The following DENND2A variants were observed in gnomAD, a reference collection of about 807,000 sequenced individuals.
The protein encoded by DENND2A is DENN domain containing 2A, also known as DENN domain-containing protein 2A.
Under a neutral mutation model 105.3 loss-of-function variants are expected in DENND2A, and 53 were observed. That is an observed-to-expected ratio of 0.50 (90% confidence interval 0.40 to 0.63). The LOEUF (loss-of-function observed/expected upper bound fraction) is 0.63, where lower values mean the gene tolerates loss of function less well. Ranked by LOEUF, DENND2A falls within the 30% of genes least tolerant of loss-of-function variation. The pLI, the probability that DENND2A is intolerant of heterozygous loss-of-function variation, is 0.00. For missense variants in DENND2A, 1,138 were observed against 1,279.6 expected, an observed-to-expected ratio of 0.89 and a Z score of 1.69; for synonymous variants, 522 against 508.4, an observed-to-expected ratio of 1.03 and a Z score of -0.36.
chr7:140,527,387 C>A lies in DENND2A; in HGVS notation c.2436G>T (p.Ser812=). 1.2e-6 allele frequency: 2 copies of A among 1,608,034 alleles called. No individual in the cohort carries two copies. Among genetic ancestry groups the A allele is most frequent in the Non-Finnish European group, 1.7e-6 (2 of 1,178,398 alleles). The change falls in exon 15 of 20, where the codon TCG becomes TCT. Residue 812 remains serine, a synonymous_variant. Coordinates refer to ENST00000496613, the MANE Select transcript of DENND2A (RefSeq NM_015689.5). This position sits in a 1 kb window ranked among gnomAD's most constrained non-coding sequence, Gnocchi z 4.9. ...LPPAMVDIVC[S]PTPFLIGLLS... is the part of the protein sequence containing the mutation. The stretch of plus-strand genomic sequence containing the variant: ...GCAGCCCGATGAGGAAGGGCGTCGG[C>A]GAGCACACGATGTCGACCATGGCGG...
intron 2 of DENND2A, among the ~76,000 whole-genome samples, chr7:140,603,102 G>C (rs1183577534): frequency 6.6e-6 from 1 of 152,078 alleles, no homozygotes; most frequent in East Asian, 1.9e-4. Flanking sequence ...GGCTAACATG[G>C]TGAAACCCCG....
chr7:140,607,344 A>C (rs1486246510), intron 1 of DENND2A, among the ~76,000 whole-genome samples: 1 of 152,196 alleles, frequency 6.6e-6, no homozygotes. Context: ...GAGAGTGCAC[A>C]TGGGTAACAA....
chr7:140,620,695 G>C (rs1800256998), intron 1 of DENND2A, among the ~76,000 whole-genome samples: 1 of 152,180 alleles, frequency 6.6e-6, no homozygotes, highest in Non-Finnish European at 1.5e-5. Context: ...TCCAGCTCAG[G>C]TGAGTTCATC....
chr7:140,623,944 A>G (rs1297568096), intron 1 of DENND2A, among the ~76,000 whole-genome samples: 1 of 152,178 alleles, frequency 6.6e-6, no homozygotes, highest in Non-Finnish European at 1.5e-5. Context: ...TACCTTCTTC[A>G]GTTCTTGTTT....
intron 4 of DENND2A, among the ~76,000 whole-genome samples, chr7:140,586,987 A>G (rs1221909042): frequency 6.6e-6 from 1 of 151,650 alleles, no homozygotes; most frequent in Non-Finnish European, 1.5e-5. Flanking sequence ...AAAACCATCA[A>G]CCTCCCTGAA....
At position 140,640,794 on chromosome 7, in the gene DENND2A, G is replaced by C. The variant is rs1801175714; in HGVS notation, c.-538C>G. ...CCCGCGGCCCCTGCCTCCTCCTGCCGTGGCTCCGCGACGATCTGCGCGACG... is the reference window on the plus strand; with the variant it reads ...CCCGCGGCCCCTGCCTCCTCCTGCCCTGGCTCCGCGACGATCTGCGCGACG... On this transcript the variant is annotated 5_prime_UTR_variant, in exon 1 of 20. Transcript: ENST00000496613. The surrounding 1 kb of genome is among the most constrained non-coding windows in gnomAD (Gnocchi z 4.9). 1 of 150,622 alleles carries C rather than the reference G, an allele frequency of 6.6e-6. No individual in the cohort carries two copies. The highest frequency in any genetic ancestry group is 6.6e-5 in the Admixed American group (1 of 15,132). 9.3% of individuals were successfully genotyped at this position (150,622 alleles called of 1,614,324 possible). A position where few individuals can be genotyped will look rare whatever the true frequency, so the allele number is the denominator to read the frequency against.
At chr7:140,546,296 T>C (rs1413103683) in intron 13 of DENND2A, among the ~76,000 whole-genome samples, 1 of 152,014 alleles carries the variant, frequency 6.6e-6, no homozygotes, top group African/African-American at 2.4e-5. Flanking sequence ...CAGGCACCTG[T>C]AGTCTCAGCT....
chr7:140,542,119 G>A (rs1028005143), intron 14 of DENND2A, among the ~76,000 whole-genome samples: 1 of 151,964 alleles, frequency 6.6e-6, no homozygotes, highest in East Asian at 1.9e-4. Flanking sequence ...TGCACCACCC[G>A]GTTGGCTGGC....
At chr7:140,617,984 T>C (rs948434715) in intron 1 of DENND2A, among the ~76,000 whole-genome samples, 16 of 152,210 alleles carry the variant, frequency 1.1e-4, no homozygotes, top group Non-Finnish European at 2.2e-4. Flanking sequence ...ACTTTGGACT[T>C]GACAATATTT....
At position 140,624,558 on chromosome 7, in the gene DENND2A, G is replaced by A. The variant is rs77169094; in HGVS notation, c.-248+15946C>T. Among the ~76,000 whole-genome samples the A allele has an allele frequency of 2.9e-3, 445 of 152,196 alleles. 3 individuals are homozygous for A. Among genetic ancestry groups the A allele is most frequent in the African/African-American group, 0.01 (420 of 41,528 alleles). On this transcript the variant is annotated intron_variant, in intron 1 of 19. Transcript: ENST00000496613. ...TGGCAGAGGTAGAAGCAGAACCCAGGGCTCCTGTTACCCTGTCTGGGGCTC... is the reference window on the plus strand; with the variant it reads ...TGGCAGAGGTAGAAGCAGAACCCAGAGCTCCTGTTACCCTGTCTGGGGCTC...
At chr7:140,569,065 C>G (rs1241880289) in intron 7 of DENND2A, among the ~76,000 whole-genome samples, 1 of 152,100 alleles carries the variant, frequency 6.6e-6, no homozygotes, top group Non-Finnish European at 1.5e-5. Flanking sequence ...GCTGGGACTA[C>G]AGGTGTATGC....
chr7:140,566,684 ATTTTT>A (rs3043058), intron 9 of DENND2A, among the ~76,000 whole-genome samples: 8 of 113,244 alleles, frequency 7.1e-5, no homozygotes, highest in African/African-American at 2.6e-4. Flanking sequence ...TGGCCATACT[ATTTTT>A]TTTTTTTTTT....
In DENND2A at chr7:140,567,133, C is replaced by A; in HGVS notation, c.1732G>T (p.Ala578Ser). 1.2e-6 allele frequency: 2 copies of A among 1,610,308 alleles called. No individual in the cohort carries two copies. The highest frequency in any genetic ancestry group is 1.7e-6 in the Non-Finnish European group (2 of 1,178,420). Reference protein sequence around the residue: ...FVVVSLHKKQAGAAYVPELTQ... With the variant: ...FVVVSLHKKQSGAAYVPELTQ... The stretch of plus-strand genomic sequence containing the variant: ...AGTTCTGGCACGTAGGCAGCCCCGG[C>A]CTGCTTCTTGTGCAAAGACACAACC... The change falls in exon 9 of 20, where the codon GCC (alanine) becomes TCC (serine). Residue 578 changes from alanine (A) to serine (S), a missense_variant. By Grantham distance (99) the Ala-to-Ser change is moderately conservative. Transcript: ENST00000496613.
chr7:140,527,580 CAGGATGACT>C lies in DENND2A; in HGVS notation c.2328-94_2328-86del. 7.2e-7 allele frequency: 1 copy of C among 1,386,014 alleles called. No homozygotes were observed. Among genetic ancestry groups the C allele is most frequent in the Non-Finnish European group, 9.7e-7 (1 of 1,032,348 alleles). 85.9% of individuals were successfully genotyped at this position (1,386,014 alleles called of 1,614,324 possible). On this transcript the variant is annotated intron_variant, in intron 14 of 19. Coordinates refer to ENST00000496613, the MANE Select transcript of DENND2A (RefSeq NM_015689.5). This position sits in a 1 kb window ranked among gnomAD's most constrained non-coding sequence, Gnocchi z 4.9. ...CAGGGGAGAAGGCTCCTCCCAGAGA[CAGGATGACT>C]AGGAAAGGACACACGTGGATGTGGA...
At chr7:140,521,741 A>T in intron 18 of DENND2A, 114 bp downstream of exon 18, 2 of 1,513,860 alleles carry the variant, frequency 1.3e-6, no homozygotes, top group Non-Finnish European at 1.8e-6. Flanking sequence ...TCTGGGGGAG[A>T]TGGACACAGT....
intron 1 of DENND2A, among the ~76,000 whole-genome samples, chr7:140,620,509 C>A (rs1430260500): frequency 3.3e-5 from 5 of 152,012 alleles, no homozygotes; most frequent in Admixed American, 2.6e-4. Context: ...AACAACCACC[C>A]CCCCACCAGA....
chr7:140,554,972 T>C (rs1295371237), intron 12 of DENND2A, among the ~76,000 whole-genome samples: 2 of 152,140 alleles, frequency 1.3e-5, no homozygotes, highest in Non-Finnish European at 2.9e-5. Context: ...ACAGTAGCCT[T>C]TTTTCACGCC....
Position 140,602,350 on chromosome 7 carries a change from T to C in DENND2A, c.48A>G (p.Glu16=), listed in dbSNP as rs1476537936. 2.5e-6 allele frequency: 4 copies of C among 1,594,020 alleles called. No individual in the cohort carries two copies. In the Admixed American group the frequency reaches 6.7e-5, roughly 27 times the overall value. Residue 16 remains glutamate, a synonymous_variant, in exon 3 of 20, where the codon GAA becomes GAG. Transcript: ENST00000496613. The part of the protein sequence containing the change: ...LDMIISDPAA[E]ASRAGKKQLR... ...GCTGCTTCTTCCCAGCCCTGCTGGC[T>C]TCTGCAGCTGGGTCACTGATGATCA...
intron 1 of DENND2A, among the ~76,000 whole-genome samples, chr7:140,620,097 G>A (rs1256289572): frequency 6.6e-6 from 1 of 151,958 alleles, no homozygotes; most frequent in Non-Finnish European, 1.5e-5. Flanking sequence ...TCAGGAGGCT[G>A]AGGCAGGAGA....
Sources: allele counts gnomAD v4.1 joint callset (sites outside exome capture counted in the v4.1 genomes callset), GRCh38; gene constraint gnomAD v4.1.1; non-coding constraint Gnocchi (gnomAD v3.1); transcripts MANE v1.5; gene names NCBI Gene and HGNC (gene_info 2026-07-23, HGNC 2026-07-21).